Variants in WDPCP observed in about 807,000 individuals in gnomAD.
WDPCP encodes the protein WD repeat-containing and planar cell polarity effector protein fritz homolog.
In WDPCP, 71 loss-of-function variants were observed where a neutral mutation model predicts 93.1. The observed-to-expected ratio is 0.76, with a 90% CI of 0.63 to 0.93. WDPCP has a LOEUF of 0.93. Ranked by LOEUF, WDPCP falls within the 40% of genes least tolerant of loss-of-function variation. WDPCP has a pLI of 0.00. For synonymous variants in WDPCP, 315 were observed against 315.0 expected, an observed-to-expected ratio of 1.00 and a Z score of 0.00; for missense variants, 844 against 887.4, an observed-to-expected ratio of 0.95 and a Z score of 0.62.
chr2:63,777,126 C>A (rs1384608480), intron 2 of WDPCP, among the ~76,000 whole-genome samples: 1 of 152,078 alleles, frequency 6.6e-6, no homozygotes, highest in Non-Finnish European at 1.5e-5. Context: ...TCCTAAGTAC[C>A]ATGATTTGAC....
intron 2 of WDPCP, among the ~76,000 whole-genome samples, chr2:63,671,049 C>G (rs1476872917): frequency 3.3e-5 from 5 of 152,104 alleles, no homozygotes; most frequent in Non-Finnish European, 7.4e-5. Flanking sequence ...TAATTCTGTC[C>G]CTACTCAGGC....
At position 63,404,114 on chromosome 2, in the gene WDPCP, C is replaced by G; in HGVS notation, c.1369G>C (p.Asp457His). Residue 457 changes from aspartate (D) to histidine (H), a missense_variant, in exon 10 of 18, where the codon GAT (aspartate) becomes CAT (histidine). Coordinates refer to ENST00000272321, the MANE Select transcript of WDPCP (RefSeq NM_015910.7). ...CTGAGGAAGAGGAGATCATAGATAT[C>G]ACTACCTTCACCCTTCTGAGAAACA... ...QVVSQKGEGS[D>H]IYDLLFLRFE... 2 of 1,614,112 alleles carry G rather than the reference C, an allele frequency of 1.2e-6. No individual in the cohort carries two copies. Among genetic ancestry groups the G allele is most frequent in the Non-Finnish European group, 1.7e-6 (2 of 1,180,002 alleles).
rs746129466 is a variant in WDPCP, at chr2:63,485,001, CAT to C, written c.254-16_254-15del. On this transcript the variant is annotated splice_polypyrimidine_tract_variant and intron_variant, in intron 4 of 17. Coordinates refer to ENST00000272321, the MANE Select transcript of WDPCP (RefSeq NM_015910.7). ...GATAATCTCGTGCTGGCAAATAAAA[CAT>C]GTACTACAGTTAGTTAAACAAGATT... is the stretch of plus-strand genomic sequence containing the variant. 2.3e-5 allele frequency: 37 copies of C among 1,612,170 alleles called. 1 individual carries two copies. The African/African-American group carries it at 2.5e-4, about 11-fold the overall frequency.
rs1385982347 is a variant in WDPCP, at chr2:63,595,176, A to T, written n.488+55483T>A. ...TCACTCAGTTTAATGTTTTTTTCATATACTGTTAAAATTGAGTAGTGGTGA... is the reference window on the plus strand; with the variant it reads ...TCACTCAGTTTAATGTTTTTTTCATTTACTGTTAAAATTGAGTAGTGGTGA... On this transcript the variant is annotated intron_variant and non_coding_transcript_variant, in intron 3 of 4. Transcript: ENST00000467687. 2.0e-5 allele frequency among the ~76,000 whole-genome samples: 3 copies of T among 152,150 alleles called. No homozygotes were observed. The South Asian group carries it at 6.2e-4, about 32-fold the overall frequency.
At chr2:63,215,184 G>T (rs1677207020) in intron 14 of WDPCP, among the ~76,000 whole-genome samples, 1 of 152,124 alleles carries the variant, frequency 6.6e-6, no homozygotes. Flanking sequence ...TAAGCAAAAA[G>T]AACAAAGCTG....
At chr2:63,807,474 C>T (rs1360761657) in intron 2 of WDPCP, among the ~76,000 whole-genome samples, 2 of 152,220 alleles carry the variant, frequency 1.3e-5, no homozygotes, top group African/African-American at 4.8e-5. Context: ...TTACCAGAAG[C>T]AGATACTGGC....
chr2:63,384,716 G>A (rs1194040136), intron 10 of WDPCP, among the ~76,000 whole-genome samples: 1 of 150,728 alleles, frequency 6.6e-6, no homozygotes, highest in Non-Finnish European at 1.5e-5. Context: ...GCAAGACTGT[G>A]TCTCTAAAAA....
At chr2:63,215,406 A>T (rs777583747) in intron 14 of WDPCP, among the ~76,000 whole-genome samples, 2 of 152,230 alleles carry the variant, frequency 1.3e-5, no homozygotes, top group African/African-American at 2.4e-5. Flanking sequence ...ATAATACCGC[A>T]TATCTGCAAC....
At chr2:63,510,449 T>C (rs1006989409) in intron 1 of WDPCP, among the ~76,000 whole-genome samples, 1 of 152,190 alleles carries the variant, frequency 6.6e-6, no homozygotes, top group African/African-American at 2.4e-5. Context: ...ACAAGAGCTA[T>C]TTATGACAAA....
At chr2:63,176,132 A>G (rs1001822423) in intron 14 of WDPCP, among the ~76,000 whole-genome samples, 1 of 152,182 alleles carries the variant, frequency 6.6e-6, no homozygotes, top group Non-Finnish European at 1.5e-5. Flanking sequence ...AATGAATGTG[A>G]CATGCTACCT....
chr2:63,722,248 G>A (rs1409722946), intron 2 of WDPCP, among the ~76,000 whole-genome samples: 28 of 132,150 alleles, frequency 2.1e-4, no homozygotes, highest in Middle Eastern at 3.7e-3. Context: ...AGTGAGGAGC[G>A]TCTCCGCCCG....
At chr2:63,343,956 T>C (rs949843709) in intron 12 of WDPCP, among the ~76,000 whole-genome samples, 6 of 152,214 alleles carry the variant, frequency 3.9e-5, no homozygotes, top group African/African-American at 1.4e-4. Context: ...TGGTTTCCTT[T>C]AGCTTTCTGA....
chr2:63,457,930 C>T (rs13404464), intron 6 of WDPCP, among the ~76,000 whole-genome samples: 1 of 152,038 alleles, frequency 6.6e-6, no homozygotes, highest in African/African-American at 2.4e-5. Context: ...TCAAGACCAT[C>T]TTGGCCAACA....
intron 2 of WDPCP, among the ~76,000 whole-genome samples, chr2:63,665,160 T>A (rs968633897): frequency 1.3e-5 from 2 of 152,224 alleles, no homozygotes; most frequent in Non-Finnish European, 2.9e-5. Flanking sequence ...TGTAACAAAC[T>A]ATCACAAACT....
intron 1 of WDPCP, among the ~76,000 whole-genome samples, chr2:63,579,918 T>C (rs1558839546): frequency 6.6e-6 from 1 of 152,192 alleles, no homozygotes; most frequent in African/African-American, 2.4e-5. Context: ...CCTCATAAAC[T>C]GGTTAATGTT....
At chr2:63,505,689 T>C (rs900735199) in intron 1 of WDPCP, among the ~76,000 whole-genome samples, 6 of 152,112 alleles carry the variant, frequency 3.9e-5, no homozygotes, top group African/African-American at 1.4e-4. Flanking sequence ...ATCCTTAAAA[T>C]AATGAGTCTG....
intron 14 of WDPCP, among the ~76,000 whole-genome samples, chr2:63,228,101 C>G (rs1033311351): frequency 2.0e-5 from 3 of 152,010 alleles, no homozygotes; most frequent in African/African-American, 7.2e-5. Context: ...CAAACTATGA[C>G]TTTCTTAATG....
intron 14 of WDPCP, among the ~76,000 whole-genome samples, chr2:63,189,102 C>A (rs1306150090): frequency 6.6e-6 from 1 of 152,098 alleles, no homozygotes; most frequent in Non-Finnish European, 1.5e-5. Flanking sequence ...CTGTTGTAGT[C>A]CTCTGCCCTT....
At chr2:63,578,397 T>C (rs748096847) in intron 1 of WDPCP, among the ~76,000 whole-genome samples, 3 of 152,184 alleles carry the variant, frequency 2.0e-5, no homozygotes, top group Non-Finnish European at 4.4e-5. Flanking sequence ...AGGATGCAAA[T>C]CCATATTGCC....
Sources: allele counts gnomAD v4.1 joint callset (sites outside exome capture counted in the v4.1 genomes callset), GRCh38; gene constraint gnomAD v4.1.1; transcripts MANE v1.5; gene names NCBI Gene and HGNC (gene_info 2026-07-23, HGNC 2026-07-21).